Variants in ZNF678 observed in about 807,000 individuals in gnomAD.
The protein encoded by ZNF678 is zinc finger protein 678, also known as hypothetical protein MGC42493.
A neutral mutation model predicts 3.0 loss-of-function variants in ZNF678; 5 were observed. The ratio of observed to expected loss-of-function variants is 1.69; its 90% CI spans 0.88 to 3.56. The LOEUF is 3.56. Among genes scored for constraint, ZNF678 ranks in the 30% most tolerant of loss-of-function variants. ZNF678 has a pLI of 0.00. For missense variants in ZNF678, 593 were observed against 605.0 expected (o/e 0.98, Z 0.21); for synonymous variants, 218 against 199.6 (o/e 1.09, Z -0.78).
chr1:227,669,117 A>T (rs1659556534), intron 5 of ZNF678, among the ~76,000 whole-genome samples: 1 of 151,996 alleles, frequency 6.6e-6, no homozygotes, highest in Non-Finnish European at 1.5e-5. Flanking sequence ...AACCACTAAC[A>T]GAGTAAACAA....
At chr1:227,578,993 G>C (rs1657053837) in intron 1 of ZNF678, among the ~76,000 whole-genome samples, 1 of 152,166 alleles carries the variant, frequency 6.6e-6, no homozygotes, top group Non-Finnish European at 1.5e-5. Context: ...AACTGGTTTT[G>C]TTTCTGGCAG....
At chr1:227,577,679 T>C (rs1657020304) in intron 1 of ZNF678, among the ~76,000 whole-genome samples, 1 of 152,118 alleles carries the variant, frequency 6.6e-6, no homozygotes, top group Non-Finnish European at 1.5e-5. Context: ...TGGGTCTTGG[T>C]TCTTTATCTA....
intron 2 of ZNF678, among the ~76,000 whole-genome samples, chr1:227,649,012 G>A (rs2102799493): frequency 6.6e-6 from 1 of 152,198 alleles, no homozygotes; most frequent in Non-Finnish European, 1.5e-5. Context: ...TGTCTTTCCA[G>A]TCCATCCATG....
At chr1:227,624,411 C>A (rs759751894) in intron 1 of ZNF678, among the ~76,000 whole-genome samples, 4 of 152,166 alleles carry the variant, frequency 2.6e-5, no homozygotes, top group Non-Finnish European at 5.9e-5. Context: ...AACTTCATAT[C>A]GCTGAAAGAG....
Position 227,655,887 on chromosome 1 carries a change from A to G in ZNF678, c.*59A>G. The G allele has an allele frequency of 6.9e-7, 1 of 1,448,214 alleles. No individual in the cohort carries two copies. The highest frequency in any genetic ancestry group is 1.4e-5 in the South Asian group (1 of 70,896). The allele number at this position is 1,448,214 out of a possible 1,614,324, so 89.7% of individuals were successfully genotyped here. On this transcript the variant is annotated 3_prime_UTR_variant, in exon 4 of 4. Transcript: ENST00000343776. ...CATACTGAATAAAAGTGGTATGAGC[A>G]TAATGACTGTTTAAGGATGTTTCAC...
chr1:227,654,473 G>A lies in ZNF678; in HGVS notation c.223G>A (p.Glu75Lys), dbSNP rs1343975476. Residue 75 changes from glutamate (E) to lysine (K), a missense_variant, in exon 4 of 4, where the codon GAA (glutamate) becomes AAA (lysine). Transcript: ENST00000343776. Reference sequence around the variant, plus strand: ...AGTGAAAGACTGGAGAACTGTGAATGAAGGTAAGGGGCAGAAAGAATATTG... The same window carrying A: ...AGTGAAAGACTGGAGAACTGTGAATAAAGGTAAGGGGCAGAAAGAATATTG... The part of the protein sequence containing the change: ...HLVKDWRTVN[E>K]GKGQKEYCNR... 1 of 1,613,268 alleles carries A rather than the reference G, an allele frequency of 6.2e-7. No individual in the cohort carries two copies. The highest frequency in any genetic ancestry group is 8.5e-7 in the Non-Finnish European group (1 of 1,179,476).
At chr1:227,641,034 G>A (rs1288112123) in intron 1 of ZNF678, among the ~76,000 whole-genome samples, 6 of 152,216 alleles carry the variant, frequency 3.9e-5, no homozygotes, top group Admixed American at 1.3e-4. Context: ...AAGAGAGGCC[G>A]TGTGGATTTT....
At position 227,563,569 on chromosome 1, in the gene ZNF678, T is replaced by G. The variant is rs111500463; in HGVS notation, c.-319T>G. On this transcript the variant is annotated 5_prime_UTR_variant, in exon 1 of 4. Transcript: ENST00000343776. ...ATCTGGCGGGGCCTTTGTCTTGTGC[T>G]CCAGCTGGAGCTTTGGTCCCGTATT... is the stretch of plus-strand genomic sequence containing the variant. The G allele has an allele frequency of 7.7e-5, 59 of 769,174 alleles. 1 individual carries two copies. The highest frequency in any genetic ancestry group is 2.9e-4 in the Middle Eastern group (1 of 3,476). 47.6% of individuals were successfully genotyped at this position (769,174 alleles called of 1,614,324 possible).
At chr1:227,620,767 A>C (rs115025200) in intron 1 of ZNF678, among the ~76,000 whole-genome samples, 2,110 of 152,310 alleles carry the variant, frequency 0.014, 53 homozygotes, top group African/African-American at 0.048. Context: ...GGGTATGAGT[A>C]ATAGCGTACA....
intron 3 of ZNF678, among the ~76,000 whole-genome samples, chr1:227,652,696 G>C (rs923883912): frequency 2.6e-5 from 4 of 151,906 alleles, no homozygotes; most frequent in African/African-American, 9.7e-5. Context: ...TATTATTGAT[G>C]TCACTAATTA....
At chr1:227,669,049 A>AAGTT (rs1303661385) in intron 5 of ZNF678, among the ~76,000 whole-genome samples, 1 of 152,122 alleles carries the variant, frequency 6.6e-6, no homozygotes, top group African/African-American at 2.4e-5. Flanking sequence ...ACAAAACCAC[A>AAGTT]AGTTAACAAA....
At chr1:227,620,295 C>G (rs544505330) in intron 1 of ZNF678, among the ~76,000 whole-genome samples, 1 of 152,266 alleles carries the variant, frequency 6.6e-6, no homozygotes, top group Non-Finnish European at 1.5e-5. Flanking sequence ...CCTTCCTCCC[C>G]TCCATTTTTC....
chr1:227,615,857 A>G (rs1201858875), intron 1 of ZNF678, among the ~76,000 whole-genome samples: 3 of 152,190 alleles, frequency 2.0e-5, no homozygotes, highest in African/African-American at 7.2e-5. Context: ...CCTGGTTACC[A>G]TCTGTTGACT....
intron 1 of ZNF678, among the ~76,000 whole-genome samples, chr1:227,615,515 C>G (rs1658120955): frequency 6.6e-6 from 1 of 152,180 alleles, no homozygotes; most frequent in African/African-American, 2.4e-5. Flanking sequence ...AGTTCTGAGT[C>G]CTCCTGGTCC....
At chr1:227,597,256 T>C (rs1657616616) in intron 1 of ZNF678, among the ~76,000 whole-genome samples, 1 of 152,182 alleles carries the variant, frequency 6.6e-6, no homozygotes, top group Middle Eastern at 3.4e-3. Context: ...CTATTGTTTG[T>C]GGTTTAAGAA....
rs79112893 is a variant in ZNF678, at chr1:227,584,046, T to C, written c.-164+20322T>C. Among the ~76,000 whole-genome samples the C allele has an allele frequency of 4.0e-3, 615 of 152,338 alleles. 6 individuals are homozygous for C. The highest frequency in any genetic ancestry group is 0.014 in the African/African-American group (584 of 41,572). On this transcript the variant is annotated intron_variant, in intron 1 of 3. Coordinates refer to ENST00000343776, the MANE Select transcript of ZNF678 (RefSeq NM_001367909.1). ...TATCAGGTAGAATTTTCCAAGGTTG[T>C]GGAGGTTACCTTCTAGGGGCAAGTC...
intron 3 of ZNF678, among the ~76,000 whole-genome samples, chr1:227,653,819 C>G (rs1162366525): frequency 6.6e-6 from 1 of 152,098 alleles, no homozygotes; most frequent in East Asian, 1.9e-4. Flanking sequence ...AATTATTTAC[C>G]TTTTTCTTAG....
In ZNF678 at chr1:227,654,377, G is replaced by C; in HGVS notation, c.127G>C (p.Asp43His). ...YSIQDLLPEQ[D>H]MKDLCQKVTL... ...CATTCAAGACCTTTTGCCAGAGCAG[G>C]ATATGAAAGATTTATGCCAAAAAGT... The change falls in exon 4 of 4, where the codon GAT becomes CAT. Residue 43 changes from aspartate to histidine, a missense_variant. Asp to His is a moderately conservative substitution (Grantham distance 81). Transcript: ENST00000343776. 4 of 1,598,734 alleles carry C rather than the reference G, an allele frequency of 2.5e-6. No homozygotes were observed. Among genetic ancestry groups the C allele is most frequent in the Non-Finnish European group, 3.4e-6 (4 of 1,173,872 alleles).
At chr1:227,571,008 A>G (rs1656826527) in intron 1 of ZNF678, among the ~76,000 whole-genome samples, 1 of 152,094 alleles carries the variant, frequency 6.6e-6, no homozygotes, top group African/African-American at 2.4e-5. Context: ...TTTATCAGTT[A>G]CTCTTAACCA....
Sources: gnomAD v4.1 joint callset for allele counts (sites outside exome capture counted in the v4.1 genomes callset) on GRCh38, gnomAD v4.1.1 for gene constraint, MANE v1.5 for transcripts, NCBI Gene and HGNC (gene_info 2026-07-23, HGNC 2026-07-21) for gene names.